ALPK2: variants seen among roughly 807,000 people sequenced by gnomAD.
ALPK2 encodes the protein alpha kinase 2.
In ALPK2, 127 loss-of-function variants were observed where a neutral mutation model predicts 163.1. The observed-to-expected ratio is 0.78, with a 90% CI of 0.67 to 0.90. The LOEUF (loss-of-function observed/expected upper bound fraction) is 0.90, where lower values mean the gene tolerates loss of function less well. Ranked by LOEUF, ALPK2 falls within the 40% of genes least tolerant of loss-of-function variation. ALPK2 has a pLI of 0.00. For missense variants in ALPK2, 2,360 were observed against 2,589.6 expected (o/e 0.91, Z 1.92); for synonymous variants, 953 against 959.1 (o/e 0.99, Z 0.12).
At chr18:58,580,906 T>C (rs1336726355) in intron 3 of ALPK2, 1 of 190,728 alleles carries the variant, frequency 5.2e-6, no homozygotes, top group Non-Finnish European at 1.1e-5. Flanking sequence ...TGCCCACCCC[T>C]TTCTTGGAAA....
At chr18:58,549,449 G>A (rs2051738104) in intron 4 of ALPK2, among the ~76,000 whole-genome samples, 1 of 152,200 alleles carries the variant, frequency 6.6e-6, no homozygotes, top group Admixed American at 6.5e-5. Flanking sequence ...TCACAGAAAA[G>A]TTTCTGGGAA....
intron 4 of ALPK2, among the ~76,000 whole-genome samples, chr18:58,540,604 A>G (rs891209801): frequency 6.6e-6 from 1 of 152,224 alleles, no homozygotes; most frequent in Non-Finnish European, 1.5e-5. Flanking sequence ...TTAAGCACAG[A>G]AAACATGGGG....
chr18:58,540,858 T>C (rs1339850425), intron 4 of ALPK2, among the ~76,000 whole-genome samples: 1 of 152,220 alleles, frequency 6.6e-6, no homozygotes, highest in Non-Finnish European at 1.5e-5. Flanking sequence ...AAAAAGTTAC[T>C]ATGATATTTA....
In ALPK2 at chr18:58,580,061, C is replaced by A; in HGVS notation, c.715G>T (p.Ala239Ser). The A allele has an allele frequency of 6.2e-7, 1 of 1,614,258 alleles. No individual in the cohort carries two copies. The highest frequency in any genetic ancestry group is 8.5e-7 in the Non-Finnish European group (1 of 1,180,044). ...AGGTCACCATCCGTGAACTTTGATG[C>A]CATGGAATGCACTGTCTTGTGGCAA... is the stretch of plus-strand genomic sequence containing the variant. ...RCCHKTVHSM[A>S]SKFTDGDLNN... The change falls in exon 4 of 13, where the codon GCA becomes TCA. Residue 239 changes from alanine to serine, a missense_variant. Ala to Ser is a moderately conservative substitution (Grantham distance 99). Coordinates refer to ENST00000361673, the MANE Select transcript of ALPK2 (RefSeq NM_052947.4).
At chr18:58,503,199 T>TC (rs1294558705) in intron 11 of ALPK2, among the ~76,000 whole-genome samples, 1 of 152,266 alleles carries the variant, frequency 6.6e-6, no homozygotes, top group East Asian at 1.9e-4. Flanking sequence ...TGCTATACAT[T>TC]CAGCAGAGAA....
Position 58,524,013 on chromosome 18 carries a change from TC to T in ALPK2, c.5550del (p.Lys1851ArgfsTer17). ...CAGCAGTAATAGAGTCCCTGGTCCTTCGGACTGGCTTGCACGATGGCAAAGG... is the reference window on the plus strand; with the variant it reads ...CAGCAGTAATAGAGTCCCTGGTCCTTGGACTGGCTTGCACGATGGCAAAGG... ...TVSFAIVQASPKDQGLYYCCI... is the reference protein window; with the variant it reads ...TVSFAIVQASXKDQGLYYCCI... On this transcript the variant is annotated frameshift_variant, in exon 7 of 13. Transcript: ENST00000361673. The T allele has an allele frequency of 6.2e-7, 1 of 1,614,194 alleles. No individual in the cohort carries two copies. Among genetic ancestry groups the T allele is most frequent in the Non-Finnish European group, 8.5e-7 (1 of 1,180,018 alleles).
intron 4 of ALPK2, chr18:58,545,003 A>T (rs548141845): frequency 6.6e-6 from 1 of 152,326 alleles, no homozygotes; most frequent in East Asian, 1.9e-4. Context: ...AGGTATAGAC[A>T]TGGTGGGTAC....
chr18:58,568,334 G>A (rs1030801133), intron 4 of ALPK2, among the ~76,000 whole-genome samples: 1 of 152,146 alleles, frequency 6.6e-6, no homozygotes, highest in East Asian at 1.9e-4. Flanking sequence ...GGGAAATCAC[G>A]GGCAAGGACT....
At chr18:58,505,758 C>A (rs1036461174) in intron 10 of ALPK2, among the ~76,000 whole-genome samples, 6 of 152,156 alleles carry the variant, frequency 3.9e-5, no homozygotes, top group African/African-American at 1.4e-4. Context: ...AAGAGGCTTT[C>A]CCTCGAAAGA....
chr18:58,488,125 T>C (rs1224639761), intron 12 of ALPK2, among the ~76,000 whole-genome samples: 2 of 152,140 alleles, frequency 1.3e-5, no homozygotes, highest in East Asian at 1.9e-4. Flanking sequence ...TACACTCATC[T>C]CTATTTGACT....
At chr18:58,493,037 G>A (rs2051383043) in intron 12 of ALPK2, among the ~76,000 whole-genome samples, 1 of 152,198 alleles carries the variant, frequency 6.6e-6, no homozygotes, top group Non-Finnish European at 1.5e-5. Flanking sequence ...TCAGCCAGCG[G>A]GCCAGCCAGC....
chr18:58,541,767 G>GT (rs200144023), intron 4 of ALPK2, among the ~76,000 whole-genome samples: 17 of 152,002 alleles, frequency 1.1e-4, no homozygotes, highest in African/African-American at 1.9e-4. Flanking sequence ...AACCAATGGG[G>GT]TTTTTTTTGA....
At chr18:58,506,819 G>A (rs1347218855) in intron 10 of ALPK2, among the ~76,000 whole-genome samples, 8 of 152,292 alleles carry the variant, frequency 5.3e-5, no homozygotes, top group South Asian at 2.1e-4. Context: ...GCAGGGGGCC[G>A]TCCTGTGCAC....
chr18:58,505,878 C>T (rs979723261), intron 10 of ALPK2, among the ~76,000 whole-genome samples: 1 of 152,010 alleles, frequency 6.6e-6, no homozygotes, highest in African/African-American at 2.4e-5. Context: ...TCTCTCACTT[C>T]TTTCTGATAC....
chr18:58,501,287 G>A (rs1297529241), intron 11 of ALPK2, among the ~76,000 whole-genome samples: 1 of 152,350 alleles, frequency 6.6e-6, no homozygotes, highest in Non-Finnish European at 1.5e-5. Context: ...CATGAGAGCT[G>A]AATTTAATAC....
At chr18:58,506,473 C>G (rs1229713690) in intron 10 of ALPK2, among the ~76,000 whole-genome samples, 3 of 152,116 alleles carry the variant, frequency 2.0e-5, no homozygotes, top group African/African-American at 7.2e-5. Flanking sequence ...GCCCCCACCC[C>G]CCACATCTGC....
At chr18:58,559,945 T>G (rs974470285) in intron 4 of ALPK2, among the ~76,000 whole-genome samples, 1 of 152,166 alleles carries the variant, frequency 6.6e-6, no homozygotes, top group Admixed American at 6.5e-5. Context: ...ACAACATAGA[T>G]TTATTACTTT....
chr18:58,627,955 G>C (rs1263832604), intron 1 of ALPK2, among the ~76,000 whole-genome samples: 1 of 152,198 alleles, frequency 6.6e-6, no homozygotes, highest in African/African-American at 2.4e-5. Context: ...TTAAGGAAAA[G>C]GTTGTGGAAA....
intron 3 of ALPK2, among the ~76,000 whole-genome samples, chr18:58,601,555 T>TGTA (rs2052069758): frequency 1.3e-5 from 2 of 152,190 alleles, no homozygotes; most frequent in Non-Finnish European, 2.9e-5. Flanking sequence ...CATGAGGCCC[T>TGTA]GCAGCTCCGT....
Sources: gnomAD v4.1 joint callset for allele counts (sites outside exome capture counted in the v4.1 genomes callset) on GRCh38, gnomAD v4.1.1 for gene constraint, MANE v1.5 for transcripts, NCBI Gene and HGNC (gene_info 2026-07-23, HGNC 2026-07-21) for gene names.